The following ZEB2 variants were observed in gnomAD, a reference collection of about 807,000 sequenced individuals.
ZEB2 encodes zinc finger E-box binding homeobox 2.
In ZEB2, 6 loss-of-function variants were observed where a neutral mutation model predicts 99.9. That is an observed-to-expected ratio of 0.06 (90% confidence interval 0.03 to 0.12). The LOEUF (loss-of-function observed/expected upper bound fraction) is 0.12, where lower values mean the gene tolerates loss of function less well. ZEB2 is among the 10% of genes least tolerant of loss of function. ZEB2 has a pLI of 1.00. For synonymous variants in ZEB2, 517 were observed against 542.5 expected (o/e 0.95, Z 0.65); for missense variants, 969 against 1,502.8 (o/e 0.64, Z 5.87).
chr2:144,457,589 C>G (rs1423383785), intron 2 of ZEB2, among the ~76,000 whole-genome samples: 1 of 152,054 alleles, frequency 6.6e-6, no homozygotes, highest in Non-Finnish European at 1.5e-5. Context: ...TCAAGAGCAA[C>G]TACACTGAAA....
intron 2 of ZEB2, among the ~76,000 whole-genome samples, chr2:144,434,603 C>G (rs1290615412): frequency 1.3e-5 from 2 of 152,122 alleles, no homozygotes; most frequent in African/African-American, 2.4e-5. Flanking sequence ...CCCCACATGA[C>G]CAGAGTAAGG....
At chr2:144,417,238 T>A (rs939390085) in intron 4 of ZEB2, among the ~76,000 whole-genome samples, 2 of 152,210 alleles carry the variant, frequency 1.3e-5, no homozygotes, top group African/African-American at 2.4e-5. Flanking sequence ...GATTTTTTTT[T>A]ATCAACACCC....
intron 2 of ZEB2, chr2:144,512,973 C>T: frequency 7.8e-7 from 1 of 1,287,202 alleles, no homozygotes; most frequent in Non-Finnish European, 1.0e-6. Flanking sequence ...AGCTACTTGC[C>T]AAAGATTTCC....
chr2:144,504,197 T>C (rs72860053), intron 2 of ZEB2: 3,592 of 152,156 alleles, frequency 0.024, 76 homozygotes, highest in Non-Finnish European at 0.034. Context: ...AGAACTTTCC[T>C]TCCGTTTAAT....
At chr2:144,509,763 T>C (rs912551231) in intron 2 of ZEB2, among the ~76,000 whole-genome samples, 1 of 152,154 alleles carries the variant, frequency 6.6e-6, no homozygotes, top group Admixed American at 6.5e-5. Flanking sequence ...CGCTGAAAAG[T>C]TGTCACGAGA....
At chr2:144,451,429 C>T (rs528172791) in intron 2 of ZEB2, among the ~76,000 whole-genome samples, 27 of 152,170 alleles carry the variant, frequency 1.8e-4, no homozygotes, top group South Asian at 6.2e-4. Flanking sequence ...ATTGACTTAG[C>T]GTCTCTTAAA....
intron 2 of ZEB2, among the ~76,000 whole-genome samples, chr2:144,444,491 T>G (rs966701793): frequency 6.6e-6 from 1 of 152,194 alleles, no homozygotes; most frequent in African/African-American, 2.4e-5. Flanking sequence ...TGTCACCAGC[T>G]GGGGGTCGGG....
intron 2 of ZEB2, chr2:144,449,743 A>C (rs1560629054): frequency 6.6e-6 from 1 of 152,244 alleles, no homozygotes; most frequent in East Asian, 1.9e-4. Flanking sequence ...TCATGAAACC[A>C]AATTCAGCTT....
chr2:144,491,357 GAA>G (rs200783690), intron 2 of ZEB2, among the ~76,000 whole-genome samples: 25 of 90,318 alleles, frequency 2.8e-4, no homozygotes, highest in East Asian at 2.3e-3. Flanking sequence ...CTTCTCAAGA[GAA>G]AAAAAAAAAA....
At chr2:144,414,899 A>G (rs1299142292) in intron 4 of ZEB2, among the ~76,000 whole-genome samples, 1 of 152,094 alleles carries the variant, frequency 6.6e-6, no homozygotes, top group African/African-American at 2.4e-5. Context: ...TTATTACACC[A>G]TACAATGAAT....
chr2:144,408,033 C>CA (rs1251547900), intron 4 of ZEB2, among the ~76,000 whole-genome samples: 1 of 152,100 alleles, frequency 6.6e-6, no homozygotes, highest in African/African-American at 2.4e-5. Context: ...GATAGGCAAA[C>CA]AAAACTGCAT....
rs559410781 is a variant in ZEB2, at chr2:144,501,697, T to C, written c.73+15581A>G. ...TAAACAGTTGCTAACAAAGTATTAA[T>C]AGGAAACCCCAAACTGATGCCAAAA... is the stretch of plus-strand genomic sequence containing the variant. On this transcript the variant is annotated intron_variant, in intron 2 of 9. Coordinates refer to ENST00000627532, the MANE Select transcript of ZEB2 (RefSeq NM_014795.4). Among the ~76,000 whole-genome samples the C allele has an allele frequency of 2.6e-5, 4 of 152,290 alleles. No homozygotes were observed. In the South Asian group the frequency reaches 8.3e-4, roughly 32 times the overall value.
At chr2:144,505,649 C>G (rs992686971) in intron 2 of ZEB2, among the ~76,000 whole-genome samples, 2 of 152,098 alleles carry the variant, frequency 1.3e-5, no homozygotes, top group Non-Finnish European at 2.9e-5. Flanking sequence ...GTTGCTGAGA[C>G]TGGTTGAAGC....
intron 4 of ZEB2, among the ~76,000 whole-genome samples, chr2:144,413,237 T>C (rs1703489093): frequency 6.6e-6 from 1 of 152,202 alleles, no homozygotes; most frequent in Admixed American, 6.5e-5. Context: ...AGAAAATATT[T>C]TGGAAGTGCC....
chr2:144,417,347 AATGT>A (rs1201682857), intron 4 of ZEB2, among the ~76,000 whole-genome samples: 1 of 152,150 alleles, frequency 6.6e-6, no homozygotes, highest in Non-Finnish European at 1.5e-5. Context: ...AAACACTCTG[AATGT>A]ATGTATTTTA....
intron 2 of ZEB2, among the ~76,000 whole-genome samples, chr2:144,447,703 A>G (rs917999857): frequency 6.6e-6 from 1 of 152,186 alleles, no homozygotes; most frequent in Non-Finnish European, 1.5e-5. Flanking sequence ...GTAGCTGAGT[A>G]AGGGACTGCA....
At chr2:144,426,853 T>A (rs1457865033) in intron 3 of ZEB2, 1 of 152,198 alleles carries the variant, frequency 6.6e-6, no homozygotes, top group African/African-American at 2.4e-5. Context: ...GAAACACTAC[T>A]AAGCCTTTTC....
intron 8 of ZEB2, 103 bp from the exon 9 acceptor site, chr2:144,396,695 C>A: frequency 7.8e-7 from 1 of 1,283,190 alleles, no homozygotes; most frequent in Non-Finnish European, 1.1e-6. Context: ...TTGCTTGCTA[C>A]TAATTGATTG....
Position 144,386,800 on chromosome 2 carries a change from A to G in ZEB2, c.*2651T>C, listed in dbSNP as rs1007735075. On this transcript the variant is annotated 3_prime_UTR_variant, in exon 10 of 10. Coordinates refer to ENST00000627532, the MANE Select transcript of ZEB2 (RefSeq NM_014795.4). ...CCTTTCAAACCAGAAAAATTTATGT[A>G]GTGTATTTATTTGTGCCATTCAAAG... The G allele has an allele frequency of 1.3e-5, 2 of 152,024 alleles. No individual in the cohort carries two copies. Among genetic ancestry groups the G allele is most frequent in the Non-Finnish European group, 2.9e-5 (2 of 67,992 alleles). The allele number at this position is 152,024 out of a possible 1,614,324, so 9.4% of individuals were successfully genotyped here. A position where few individuals can be genotyped will look rare whatever the true frequency, so the allele number is the denominator to read the frequency against.
Sources: gnomAD v4.1 joint callset for allele counts (sites outside exome capture counted in the v4.1 genomes callset) on GRCh38, gnomAD v4.1.1 for gene constraint, MANE v1.5 for transcripts, NCBI Gene and HGNC (gene_info 2026-07-23, HGNC 2026-07-21) for gene names.